The following IGFBPL1 variants were observed in gnomAD, a reference collection of about 807,000 sequenced individuals.
The protein encoded by IGFBPL1 is insulin-like growth factor-binding protein-like 1.
Under a neutral mutation model 23.9 loss-of-function variants are expected in IGFBPL1, and 20 were observed. The observed-to-expected ratio is 0.84, with a 90% CI of 0.59 to 1.22. IGFBPL1 has a LOEUF of 1.22. IGFBPL1 is among the 50% of genes most tolerant of loss of function. The pLI is 0.00. For synonymous variants in IGFBPL1, 184 were observed against 171.8 expected (o/e 1.07, Z -0.56); for missense variants, 436 against 379.3 (o/e 1.15, Z -1.24).
At chr9:38,414,033 TCACACACA>T (rs3045140) in intron 2 of IGFBPL1, 53 bp downstream of exon 2, 48 of 761,108 alleles carry the variant, frequency 6.3e-5, no homozygotes, top group African/African-American at 1.9e-4. Context: ...TCCCTCTTTC[TCACACACA>T]CACACACACA....
At chr9:38,410,849 C>T (rs1030871051) in intron 4 of IGFBPL1, among the ~76,000 whole-genome samples, 7 of 152,228 alleles carry the variant, frequency 4.6e-5, no homozygotes, top group South Asian at 2.1e-4. Flanking sequence ...ACTAGGAGGC[C>T]TTGACCAGAG....
At chr9:38,414,064 C>CACAA (rs1554661419) in intron 2 of IGFBPL1, 30 bp downstream of exon 2, 82 of 1,249,178 alleles carry the variant, frequency 6.6e-5, no homozygotes, top group Middle Eastern at 5.6e-4. Flanking sequence ...CACACACACA[C>CACAA]GAGATGCATG....
chr9:38,414,292 T>C (rs745912354), intron 1 of IGFBPL1, 89 bp from the exon 2 acceptor site: 20 of 712,604 alleles, frequency 2.8e-5, no homozygotes, highest in Non-Finnish European at 4.9e-5. Context: ...GAGAGCCCGC[T>C]GTGATGTCCT....
In IGFBPL1 at chr9:38,407,407, G is replaced by A. The variant is rs1275139553; in HGVS notation, c.*1820C>T. Among the ~76,000 whole-genome samples, 6 of 152,214 alleles carry A rather than the reference G, an allele frequency of 3.9e-5. No homozygotes were observed. Among genetic ancestry groups the A allele is most frequent in the Non-Finnish European group, 2.9e-5 (2 of 68,040 alleles). On this transcript the variant is annotated 3_prime_UTR_variant, in exon 5 of 5. Coordinates refer to ENST00000377694, the MANE Select transcript of IGFBPL1 (RefSeq NM_001007563.3). ...TATGCAAATGGATCTCATGTTTCCA[G>A]AATCCCAGGCCAGTCTCCTTCTGCT... is the stretch of plus-strand genomic sequence containing the variant.
intron 1 of IGFBPL1, among the ~76,000 whole-genome samples, chr9:38,414,892 T>C (rs1363336221): frequency 6.6e-6 from 1 of 151,994 alleles, no homozygotes; most frequent in African/African-American, 2.4e-5. Context: ...CAGGACCCAG[T>C]GTTAGATGTT....
In IGFBPL1 at chr9:38,423,977, G is replaced by C; in HGVS notation, c.448C>G (p.Pro150Ala). 2 of 1,404,676 alleles carry C rather than the reference G, an allele frequency of 1.4e-6. No individual in the cohort carries two copies. Among genetic ancestry groups the C allele is most frequent in the Non-Finnish European group, 1.8e-6 (2 of 1,088,550 alleles). 87.0% of individuals were successfully genotyped at this position (1,404,676 alleles called of 1,614,324 possible). A position where few individuals can be genotyped will look rare whatever the true frequency, so the allele number is the denominator to read the frequency against. ...PGHLHKARDGPCEFAPVVVVP... is the reference protein window; with the variant it reads ...PGHLHKARDGACEFAPVVVVP... ...GACCCTGACTCACCGAACTCGCAAG[G>C]GCCGTCGCGCGCCTTGTGCAGGTGA... Residue 150 changes from proline (P) to alanine (A), a missense_variant, in exon 1 of 5, where the codon CCT becomes GCT. Pro to Ala is a conservative substitution (Grantham distance 27). Coordinates refer to ENST00000377694, the MANE Select transcript of IGFBPL1 (RefSeq NM_001007563.3).
Position 38,424,381 on chromosome 9 carries a change from A to G in IGFBPL1, c.44T>C (p.Leu15Pro). 1 of 652,670 alleles carries G rather than the reference A, an allele frequency of 1.5e-6. No individual in the cohort carries two copies. Among genetic ancestry groups the G allele is most frequent in the Non-Finnish European group, 2.6e-6 (1 of 380,810 alleles). 40.4% of individuals were successfully genotyped at this position (652,670 alleles called of 1,614,324 possible). A position where few individuals can be genotyped will look rare whatever the true frequency, so the allele number is the denominator to read the frequency against. The change falls in exon 1 of 5, where the codon CTG (leucine) becomes CCG (proline). Residue 15 changes from leucine to proline, a missense_variant. Leu to Pro is a moderately conservative substitution (Grantham distance 98, BLOSUM62 -3). Coordinates refer to ENST00000377694, the MANE Select transcript of IGFBPL1 (RefSeq NM_001007563.3). Reference protein sequence around the residue: ...SLLLPLLLLLLLPLLPPLSPS... With the variant: ...SLLLPLLLLLPLPLLPPLSPS... ...GGACAGCGGCGGCAGCAGCGGCAGC[A>G]GCAGCAGAAGCAGCAGCGGCAAGAG... is the stretch of plus-strand genomic sequence containing the variant.
intron 1 of IGFBPL1, among the ~76,000 whole-genome samples, chr9:38,420,973 C>A (rs1242977356): frequency 6.6e-6 from 1 of 152,104 alleles, no homozygotes; most frequent in Non-Finnish European, 1.5e-5. Flanking sequence ...GAGACCTCCC[C>A]AGGACACTTG....
chr9:38,415,146 C>T (rs760522522), intron 1 of IGFBPL1, among the ~76,000 whole-genome samples: 5 of 152,180 alleles, frequency 3.3e-5, no homozygotes, highest in Admixed American at 6.5e-5. Context: ...CTTCCTAGGG[C>T]GGTCAGGCTG....
chr9:38,410,637 A>G (rs1821501714), intron 4 of IGFBPL1, among the ~76,000 whole-genome samples: 1 of 152,164 alleles, frequency 6.6e-6, no homozygotes, highest in Non-Finnish European at 1.5e-5. Flanking sequence ...GAATGAGGGG[A>G]CACATGGGGC....
In IGFBPL1 at chr9:38,423,934, T is replaced by G. The variant is rs73444209; in HGVS notation, c.460+31A>C. The G allele has an allele frequency of 2.1e-3, 2,766 of 1,340,202 alleles. 44 individuals carry two copies. In the African/African-American group the frequency reaches 0.037, roughly 18 times the overall value. 83.0% of individuals were successfully genotyped at this position (1,340,202 alleles called of 1,614,324 possible). On this transcript the variant is annotated intron_variant, in intron 1 of 4. Coordinates refer to ENST00000377694, the MANE Select transcript of IGFBPL1 (RefSeq NM_001007563.3). ...CCCAGAGGGTTGGAATCCCTCCTTCTCTACCCACCCAATCCCCGACCCTGA... is the reference window on the plus strand; with the variant it reads ...CCCAGAGGGTTGGAATCCCTCCTTCGCTACCCACCCAATCCCCGACCCTGA...
At chr9:38,411,262 T>C in intron 4 of IGFBPL1, 129 bp downstream of exon 4, 1 of 727,604 alleles carries the variant, frequency 1.4e-6, no homozygotes, top group Non-Finnish European at 2.2e-6. Flanking sequence ...ATGTCCCTAC[T>C]CTTCTTTTGC....
Position 38,424,012 on chromosome 9 carries a change from G to A in IGFBPL1, c.413C>T (p.Ala138Val), listed in dbSNP as rs1368579097. The change falls in exon 1 of 5, where the codon GCG becomes GTG. Residue 138 changes from alanine to valine, a missense_variant. By Grantham distance (64) the Ala-to-Val change is moderately conservative. Coordinates refer to ENST00000377694, the MANE Select transcript of IGFBPL1 (RefSeq NM_001007563.3). Reference sequence around the variant, plus strand: ...CGCCTTGTGCAGGTGACCGGGGTGCGCGCGGGGCGTGTGCCGAGCGCGCAG... The same window carrying A: ...CGCCTTGTGCAGGTGACCGGGGTGCACGCGGGGCGTGTGCCGAGCGCGCAG... ...LRLRARHTPR[A>V]HPGHLHKARD... 2.1e-6 allele frequency: 3 copies of A among 1,408,858 alleles called. No homozygotes were observed. Among genetic ancestry groups the A allele is most frequent in the Non-Finnish European group, 2.7e-6 (3 of 1,091,764 alleles). 87.3% of individuals were successfully genotyped at this position (1,408,858 alleles called of 1,614,324 possible).
chr9:38,409,316 C>T (rs959076060), intron 4 of IGFBPL1, 99 bp from the exon 5 acceptor site: 2 of 152,220 alleles, frequency 1.3e-5, no homozygotes, highest in Admixed American at 6.5e-5. Flanking sequence ...TCCTTCACTT[C>T]GAATCTCTCC....
chr9:38,415,548 T>G (rs886911890), intron 1 of IGFBPL1, among the ~76,000 whole-genome samples: 4 of 152,160 alleles, frequency 2.6e-5, no homozygotes, highest in African/African-American at 9.7e-5. Context: ...AAAAAATCTC[T>G]GGAAAATCGC....
rs1210071349 is a variant in IGFBPL1 at position 38,410,220 on chromosome 9, C to T, written c.*10-1003G>A. Among the ~76,000 whole-genome samples the T allele has an allele frequency of 3.9e-5, 6 of 152,162 alleles. No homozygotes were observed. In the South Asian group the frequency reaches 8.3e-4, roughly 21 times the overall value. ...CGTGCAGGCCAGGCACGGTGGCTCACGCCTGTAATCCCAGTACTTTGGGAT... is the reference window on the plus strand; with the variant it reads ...CGTGCAGGCCAGGCACGGTGGCTCATGCCTGTAATCCCAGTACTTTGGGAT... On this transcript the variant is annotated intron_variant, in intron 4 of 4. Coordinates refer to ENST00000377694, the MANE Select transcript of IGFBPL1 (RefSeq NM_001007563.3).
Position 38,410,400 on chromosome 9 carries a change from G to A in IGFBPL1, c.*9+991C>T, listed in dbSNP as rs1012723480. Among the ~76,000 whole-genome samples the A allele has an allele frequency of 4.6e-5, 7 of 151,430 alleles. No homozygotes were observed. The East Asian group carries it at 5.8e-4, about 13-fold the overall frequency. On this transcript the variant is annotated intron_variant, in intron 4 of 4. Transcript: ENST00000377694. ...CGGGAGGCTGAGGCAGGAGAGTGGCGTGAACCCAGGAGGCAGAGCTTGCAG... is the reference window on the plus strand; with the variant it reads ...CGGGAGGCTGAGGCAGGAGAGTGGCATGAACCCAGGAGGCAGAGCTTGCAG...
chr9:38,414,232 CT>C, intron 1 of IGFBPL1, 29 bp from the exon 2 acceptor site: 1 of 1,423,828 alleles, frequency 7.0e-7, no homozygotes, highest in Non-Finnish European at 9.7e-7. Context: ...GAGACGCAGC[CT>C]TTACCCTGCA....
At chr9:38,423,467 G>A (rs187384591) in intron 1 of IGFBPL1, among the ~76,000 whole-genome samples, 2 of 152,150 alleles carry the variant, frequency 1.3e-5, no homozygotes, top group Admixed American at 1.3e-4. Context: ...CACACCGGGG[G>A]CCCTGGTGCT....
Sources: gnomAD v4.1 joint callset for allele counts (sites outside exome capture counted in the v4.1 genomes callset) on GRCh38, gnomAD v4.1.1 for gene constraint, MANE v1.5 for transcripts, NCBI Gene and HGNC (gene_info 2026-07-23, HGNC 2026-07-21) for gene names.